Variants in HERC6 observed in about 807,000 individuals in gnomAD.
HERC6 encodes HECT and RLD domain containing E3 ubiquitin protein ligase family member 6, also known as probable E3 ubiquitin-protein ligase HERC6.
A neutral mutation model predicts 114.5 loss-of-function variants in HERC6; 101 were observed. The observed-to-expected ratio is 0.88, with a 90% CI of 0.75 to 1.04. The LOEUF is 1.04. Among genes scored for constraint, HERC6 ranks in the 50% least tolerant of loss-of-function variants. The pLI is 0.00. For synonymous variants in HERC6, 408 were observed against 436.2 expected (o/e 0.94, Z 0.81); for missense variants, 1,133 against 1,230.9 (o/e 0.92, Z 1.19).
intron 11 of HERC6, 92 bp downstream of exon 11, chr4:88,408,709 T>G: frequency 1.2e-6 from 1 of 854,624 alleles, no homozygotes; most frequent in Non-Finnish European, 1.9e-6. Context: ...ATGATTGTAA[T>G]TGCCCGATGA....
chr4:88,419,995 T>C (rs930232434), intron 13 of HERC6, among the ~76,000 whole-genome samples: 4 of 152,016 alleles, frequency 2.6e-5, no homozygotes, highest in African/African-American at 9.7e-5. Flanking sequence ...TCATCAATCC[T>C]CTGTCTTCTC....
intron 3 of HERC6, among the ~76,000 whole-genome samples, chr4:88,387,715 C>T (rs1425553597): frequency 6.6e-6 from 1 of 152,158 alleles, no homozygotes; most frequent in Non-Finnish European, 1.5e-5. Flanking sequence ...ATATTGATAC[C>T]TAACTTGAAG....
intron 8 of HERC6, chr4:88,399,155 C>T (rs1238859418): frequency 2.0e-5 from 3 of 152,108 alleles, no homozygotes; most frequent in Non-Finnish European, 4.4e-5. Flanking sequence ...GATGTTTAAA[C>T]TTGATGTTTA....
chr4:88,395,974 G>C lies in HERC6; in HGVS notation c.760-41G>C, dbSNP rs574958911. On this transcript the variant is annotated intron_variant, in intron 5 of 22. Coordinates refer to ENST00000264346, the MANE Select transcript of HERC6 (RefSeq NM_017912.4). ...TAATCAGTAAGCTTTTAGTTACCTT[G>C]TTAAACCTGAAATTAATTTGATTCT... 48 of 1,542,306 alleles carry C rather than the reference G, an allele frequency of 3.1e-5. No homozygotes were observed. The South Asian group carries it at 5.5e-4, about 18-fold the overall frequency.
chr4:88,440,440 C>T (rs942037111), intron 22 of HERC6, 190 bp downstream of exon 22: 3 of 523,590 alleles, frequency 5.7e-6, no homozygotes, highest in African/African-American at 3.9e-5. Context: ...ACTTAATAGG[C>T]GAAAAGAGAA....
At chr4:88,434,437 CT>C (rs1352502468) in intron 17 of HERC6, among the ~76,000 whole-genome samples, 1 of 152,146 alleles carries the variant, frequency 6.6e-6, no homozygotes, top group African/African-American at 2.4e-5. Flanking sequence ...CAAGAGGGGA[CT>C]GAAGTGATTG....
chr4:88,394,398 A>G (rs1353484176), intron 5 of HERC6, among the ~76,000 whole-genome samples: 3 of 144,338 alleles, frequency 2.1e-5, no homozygotes, highest in Non-Finnish European at 4.5e-5. Flanking sequence ...AATTGAACCC[A>G]GGAGTCAGAG....
chr4:88,442,739 C>A lies in HERC6; in HGVS notation c.*279C>A. On this transcript the variant is annotated 3_prime_UTR_variant, in exon 23 of 23. Coordinates refer to ENST00000264346, the MANE Select transcript of HERC6 (RefSeq NM_017912.4). Reference sequence around the variant, plus strand: ...GGCCTGTGATTGGTCCATTCCAGGACCTTCATTTGCATAAGGTATCAAACC... The same window carrying A: ...GGCCTGTGATTGGTCCATTCCAGGAACTTCATTTGCATAAGGTATCAAACC... 2.2e-6 allele frequency: 1 copy of A among 453,502 alleles called. No individual in the cohort carries two copies. Among genetic ancestry groups the A allele is most frequent in the Admixed American group, 3.5e-5 (1 of 28,872 alleles). The allele number at this position is 453,502 out of a possible 1,614,324, so 28.1% of individuals were successfully genotyped here. A position where few individuals can be genotyped will look rare whatever the true frequency, so the allele number is the denominator to read the frequency against.
intron 11 of HERC6, among the ~76,000 whole-genome samples, chr4:88,412,250 T>C (rs1455924480): frequency 1.3e-5 from 2 of 152,196 alleles, no homozygotes; most frequent in Admixed American, 6.5e-5. Context: ...TTCAAACAAA[T>C]ATAAAGAATA....
chr4:88,400,728 C>A (rs1735490316), intron 8 of HERC6, among the ~76,000 whole-genome samples: 1 of 152,048 alleles, frequency 6.6e-6, no homozygotes, highest in African/African-American at 2.4e-5. Context: ...ACAGGGGCAC[C>A]ACGTTTACAT....
At chr4:88,413,410 T>C in intron 12 of HERC6, 144 bp downstream of exon 12, 2 of 618,578 alleles carry the variant, frequency 3.2e-6, no homozygotes, top group Non-Finnish European at 5.5e-6. Flanking sequence ...ATTAATAATC[T>C]AAAGCTATTA....
intron 12 of HERC6, among the ~76,000 whole-genome samples, chr4:88,413,692 T>C (rs1042984515): frequency 1.3e-5 from 2 of 152,364 alleles, no homozygotes; most frequent in Non-Finnish European, 1.5e-5. Flanking sequence ...AGTACTGTAT[T>C]ATGTCCTTTT....
In HERC6 at chr4:88,405,412, G is replaced by T. The variant is rs1053945307; in HGVS notation, c.1215-142G>T. 1.9e-5 allele frequency: 9 copies of T among 468,392 alleles called. No homozygotes were observed. The South Asian group carries it at 4.2e-4, about 22-fold the overall frequency. The allele number at this position is 468,392 out of a possible 1,614,324, so 29.0% of individuals were successfully genotyped here. A position where few individuals can be genotyped will look rare whatever the true frequency, so the allele number is the denominator to read the frequency against. On this transcript the variant is annotated intron_variant, in intron 9 of 22. Coordinates refer to ENST00000264346, the MANE Select transcript of HERC6 (RefSeq NM_017912.4). The stretch of plus-strand genomic sequence containing the variant: ...AAATAATATGAACAAAGTATACCCA[G>T]GATTTGGGAGACTCTTAAGAGAGTA...
chr4:88,387,585 C>T (rs1734651839), intron 3 of HERC6, among the ~76,000 whole-genome samples: 1 of 152,208 alleles, frequency 6.6e-6, no homozygotes, highest in Admixed American at 6.5e-5. Context: ...GCTGCACTGA[C>T]TACAAATCCA....
At chr4:88,431,876 C>A (rs1738254203) in intron 17 of HERC6, among the ~76,000 whole-genome samples, 1 of 152,206 alleles carries the variant, frequency 6.6e-6, no homozygotes. Flanking sequence ...CCACGCTCAG[C>A]TGAATCACCT....
At chr4:88,387,185 C>G (rs567881717) in intron 3 of HERC6, among the ~76,000 whole-genome samples, 211 of 152,222 alleles carry the variant, frequency 1.4e-3, no homozygotes, top group African/African-American at 4.9e-3. Context: ...TCACTTGAGG[C>G]CAGGAGTTTG....
intron 11 of HERC6, among the ~76,000 whole-genome samples, chr4:88,410,956 A>G (rs1296677012): frequency 1.3e-5 from 2 of 152,164 alleles, no homozygotes; most frequent in Non-Finnish European, 2.9e-5. Flanking sequence ...GGGATGTACA[A>G]GAGCTTCATA....
chr4:88,389,668 TGG>T (rs1734786790), intron 3 of HERC6, among the ~76,000 whole-genome samples: 2 of 152,084 alleles, frequency 1.3e-5, no homozygotes, highest in Non-Finnish European at 2.9e-5. Flanking sequence ...GAAGGTGACC[TGG>T]ACCGCCCCGC....
In HERC6 at chr4:88,396,051, G is replaced by A. The variant is rs1344446913; in HGVS notation, c.796G>A (p.Gly266Arg). 6.2e-6 allele frequency: 10 copies of A among 1,607,328 alleles called. No homozygotes were observed. The highest frequency in any genetic ancestry group is 3.3e-4 in the Middle Eastern group (2 of 6,034). Residue 266 changes from glycine (G) to arginine (R), a missense_variant, in exon 6 of 23, where the codon GGA becomes AGA. Coordinates refer to ENST00000264346, the MANE Select transcript of HERC6 (RefSeq NM_017912.4). Reference sequence around the variant, plus strand: ...GTTCACATTTGGAGACAATCGCTCTGGACAGCTGGGATACAGCCCCACTCC... The same window carrying A: ...GTTCACATTTGGAGACAATCGCTCTAGACAGCTGGGATACAGCCCCACTCC... ...KVFTFGDNRS[G>R]QLGYSPTPEK...
Sources: allele counts gnomAD v4.1 joint callset (sites outside exome capture counted in the v4.1 genomes callset), GRCh38; gene constraint gnomAD v4.1.1; transcripts MANE v1.5; gene names NCBI Gene and HGNC (gene_info 2026-07-23, HGNC 2026-07-21).